The following GRM7 variants were observed in gnomAD, a reference collection of about 807,000 sequenced individuals.
GRM7 encodes glutamate metabotropic receptor 7.
Under a neutral mutation model 84.5 loss-of-function variants are expected in GRM7, and 35 were observed. The observed-to-expected ratio is 0.41, with a 90% CI of 0.32 to 0.55. GRM7 has a LOEUF of 0.55. Among genes scored for constraint, GRM7 ranks in the 20% least tolerant of loss-of-function variants. GRM7 has a pLI of 0.19. For missense variants in GRM7, 1,003 were observed against 1,194.6 expected (o/e 0.84, Z 2.36); for synonymous variants, 487 against 455.1 (o/e 1.07, Z -0.89).
chr3:7,731,437 C>T (rs28562312), intron 9 of GRM7, among the ~76,000 whole-genome samples: 2,423 of 152,292 alleles, frequency 0.016, 64 homozygotes, highest in African/African-American at 0.055. Flanking sequence ...AAAGTTATAT[C>T]AGTGAGAAAA....
chr3:6,872,352 T>A (rs62237232), intron 1 of GRM7, among the ~76,000 whole-genome samples: 28,981 of 152,142 alleles, frequency 0.19, 2,835 homozygotes, highest in East Asian at 0.27. Flanking sequence ...GCATGCTCCA[T>A]TTCTCTCTCT....
At chr3:7,159,481 G>A (rs1471366643) in intron 2 of GRM7, among the ~76,000 whole-genome samples, 1 of 152,116 alleles carries the variant, frequency 6.6e-6, no homozygotes, top group Non-Finnish European at 1.5e-5. Context: ...TATGTTTTAT[G>A]GAGAAAGACA....
At chr3:7,723,125 C>T (rs1282325045) in intron 9 of GRM7, among the ~76,000 whole-genome samples, 2 of 152,158 alleles carry the variant, frequency 1.3e-5, no homozygotes, top group Admixed American at 1.3e-4. Flanking sequence ...TTTAGAGTTA[C>T]CTACAGACAC....
At chr3:6,908,536 C>T (rs1198298184) in intron 1 of GRM7, among the ~76,000 whole-genome samples, 2 of 152,106 alleles carry the variant, frequency 1.3e-5, no homozygotes, top group African/African-American at 4.8e-5. Context: ...TGTGGTGATG[C>T]CAACACCAGA....
intron 2 of GRM7, among the ~76,000 whole-genome samples, chr3:7,268,433 G>A (rs1168152000): frequency 6.6e-6 from 1 of 152,116 alleles, no homozygotes; most frequent in African/African-American, 2.4e-5. Context: ...TCCAGCCTGG[G>A]TGACTGAGCA....
At chr3:6,891,309 T>A (rs2124983531) in intron 1 of GRM7, among the ~76,000 whole-genome samples, 1 of 152,342 alleles carries the variant, frequency 6.6e-6, no homozygotes, top group Non-Finnish European at 1.5e-5. Flanking sequence ...CATTAGTTGA[T>A]GCAGTTTCTT....
At chr3:6,890,024 G>T (rs983764136) in intron 1 of GRM7, among the ~76,000 whole-genome samples, 52 of 152,138 alleles carry the variant, frequency 3.4e-4, no homozygotes, top group Non-Finnish European at 6.0e-4. Flanking sequence ...TTGCGTAGAG[G>T]TGTTTGTAGT....
intron 7 of GRM7, among the ~76,000 whole-genome samples, chr3:7,509,839 G>GAA (rs36101257): frequency 6.6e-6 from 1 of 151,790 alleles, no homozygotes; most frequent in African/African-American, 2.4e-5. Context: ...TCAGGGGATT[G>GAA]AAAAAATAAC....
chr3:7,669,747 G>T (rs1423191512), intron 8 of GRM7, among the ~76,000 whole-genome samples: 1 of 152,146 alleles, frequency 6.6e-6, no homozygotes, highest in African/African-American at 2.4e-5. Flanking sequence ...AATGGGTCTT[G>T]GGAAGGCAAG....
chr3:7,716,768 GA>G (rs1332825449), intron 9 of GRM7, among the ~76,000 whole-genome samples: 1 of 152,202 alleles, frequency 6.6e-6, no homozygotes, highest in Non-Finnish European at 1.5e-5. Flanking sequence ...ACAGTCAGTT[GA>G]AAAGTAAGCA....
intron 7 of GRM7, among the ~76,000 whole-genome samples, chr3:7,470,273 C>A (rs61331864): frequency 0.041 from 6,244 of 152,232 alleles, 324 homozygotes; most frequent in African/African-American, 0.11. Flanking sequence ...TTCTAAAAAT[C>A]AGCAATAATA....
intron 2 of GRM7, among the ~76,000 whole-genome samples, chr3:7,255,009 G>A (rs1698142631): frequency 6.6e-6 from 1 of 152,152 alleles, no homozygotes; most frequent in Admixed American, 6.5e-5. Flanking sequence ...GGTTTTGAGG[G>A]ATGAGCAAAG....
In GRM7 at chr3:7,587,641, G is replaced by A. The variant is rs191800318; in HGVS notation, c.2451+8284G>A. Among the ~76,000 whole-genome samples, 22 of 152,240 alleles carry A rather than the reference G, an allele frequency of 1.4e-4. 1 individual carries two copies. The East Asian group carries it at 2.7e-3, about 19-fold the overall frequency. The stretch of plus-strand genomic sequence containing the variant: ...GGTTTATAGGATAGTGGTGTGACAC[G>A]CTTGGGCTTATGCTTTAAAAAATTA... On this transcript the variant is annotated intron_variant, in intron 8 of 9. Transcript: ENST00000357716.
chr3:7,670,739 G>T (rs4602369), intron 8 of GRM7, among the ~76,000 whole-genome samples: 152,326 of 152,326 alleles, frequency 1, 76,163 homozygotes, highest in Non-Finnish European at 1. Flanking sequence ...AAACTACTGG[G>T]TGACTTGTAA....
rs144612535 is a variant in GRM7 at position 7,237,884 on chromosome 3, C to T, written c.737-60800C>T. On this transcript the variant is annotated intron_variant, in intron 2 of 9. Transcript: ENST00000357716. ...GATTGGTGCGTTTACAAACCTTTAG[C>T]TAGACACAGAGTGCTGATTGGTGCG... Among the ~76,000 whole-genome samples the T allele has an allele frequency of 2.9e-3, 445 of 152,210 alleles. 1 individual carries two copies. The highest frequency in any genetic ancestry group is 9.6e-3 in the African/African-American group (398 of 41,516).
At chr3:7,528,725 A>AT in intron 7 of GRM7, among the ~76,000 whole-genome samples, 1 of 151,754 alleles carries the variant, frequency 6.6e-6, no homozygotes, top group East Asian at 1.9e-4. Flanking sequence ...CTGCATTTTC[A>AT]TTTTTTGTAA....
chr3:7,171,654 G>A (rs1694987710), intron 2 of GRM7, among the ~76,000 whole-genome samples: 2 of 152,156 alleles, frequency 1.3e-5, no homozygotes, highest in East Asian at 1.9e-4. Flanking sequence ...AGGTGCCAGT[G>A]TATGTGTATT....
In GRM7 at chr3:7,099,523, T is replaced by C. The variant is rs191864031; in HGVS notation, c.520-46929T>C. ...ATACATGTACACATATATGTATATG[T>C]ACACGCATTATACATGTACACATAT... is the stretch of plus-strand genomic sequence containing the variant. On this transcript the variant is annotated intron_variant, in intron 1 of 9. Transcript: ENST00000357716. Among the ~76,000 whole-genome samples the C allele has an allele frequency of 3.4e-3, 497 of 147,620 alleles. 4 individuals carry two copies. The highest frequency in any genetic ancestry group is 4.8e-3 in the Non-Finnish European group (321 of 66,676).
chr3:6,865,357 T>C (rs1019834450), intron 1 of GRM7, among the ~76,000 whole-genome samples: 4 of 152,170 alleles, frequency 2.6e-5, no homozygotes, highest in African/African-American at 9.7e-5. Context: ...GGGCAATAAG[T>C]AAGGTATATT....
Sources: gnomAD v4.1 joint callset for allele counts (sites outside exome capture counted in the v4.1 genomes callset) on GRCh38, gnomAD v4.1.1 for gene constraint, MANE v1.5 for transcripts, NCBI Gene and HGNC (gene_info 2026-07-23, HGNC 2026-07-21) for gene names.